The following PIWIL2 variants were observed in gnomAD, a reference collection of about 807,000 sequenced individuals.
The protein encoded by PIWIL2 is piwi-like protein 2.
Under a neutral mutation model 116.5 loss-of-function variants are expected in PIWIL2, and 81 were observed. The observed-to-expected ratio is 0.70, with a 90% CI of 0.58 to 0.84. The LOEUF (loss-of-function observed/expected upper bound fraction) is 0.84, where lower values mean the gene tolerates loss of function less well. Among genes scored for constraint, PIWIL2 ranks in the 40% least tolerant of loss-of-function variants. The pLI is 0.00. For missense variants in PIWIL2, 1,272 were observed against 1,212.3 expected (o/e 1.05, Z -0.73); for synonymous variants, 489 against 429.5 (o/e 1.14, Z -1.71).
chr8:22,278,179 G>T (rs911305001), intron 1 of PIWIL2, among the ~76,000 whole-genome samples: 18 of 151,354 alleles, frequency 1.2e-4, no homozygotes, highest in Admixed American at 3.9e-4. Flanking sequence ...AAAAAAAAAG[G>T]GGGGGAGGAA....
intron 10 of PIWIL2, among the ~76,000 whole-genome samples, chr8:22,294,900 GAAAAAAAAAAAAAAAAAA>G (rs57742067): frequency 3.4e-4 from 32 of 93,650 alleles, no homozygotes; most frequent in Non-Finnish European, 3.2e-4. Flanking sequence ...ATCTTTACTG[GAAAAAAAAAAAAAAAAAA>G]AAAAAAAAAA....
At chr8:22,308,115 CACG>C in intron 14 of PIWIL2, 42 bp downstream of exon 14, 16 of 1,502,722 alleles carry the variant, frequency 1.1e-5, no homozygotes, top group Non-Finnish European at 1.5e-5. Context: ...TGTACAGAGA[CACG>C]TGTGCAATAT....
chr8:22,290,974 A>T (rs1265658863), intron 10 of PIWIL2, among the ~76,000 whole-genome samples: 2 of 147,514 alleles, frequency 1.4e-5, no homozygotes. Flanking sequence ...GTGTATATAT[A>T]TTTTTTTTAA....
At chr8:22,341,152 A>G (rs901743001) in intron 20 of PIWIL2, among the ~76,000 whole-genome samples, 1 of 152,132 alleles carries the variant, frequency 6.6e-6, no homozygotes, top group Non-Finnish European at 1.5e-5. Flanking sequence ...TAGTGAAACA[A>G]CCAAGTGGGT....
At chr8:22,322,018 T>G (rs1397753513) in intron 20 of PIWIL2, 2 of 982,716 alleles carry the variant, frequency 2.0e-6, no homozygotes, top group Admixed American at 1.2e-4. Flanking sequence ...AAATACTGTT[T>G]TGGTTTTTTT....
intron 5 of PIWIL2, 128 bp from the exon 6 acceptor site, chr8:22,284,034 G>A: frequency 1.8e-6 from 1 of 555,780 alleles, no homozygotes; most frequent in Non-Finnish European, 3.1e-6. Flanking sequence ...CTTGATATGT[G>A]TATCTGTAGC....
intron 20 of PIWIL2, among the ~76,000 whole-genome samples, chr8:22,345,306 C>G (rs1286188002): frequency 6.6e-6 from 1 of 152,064 alleles, no homozygotes; most frequent in Non-Finnish European, 1.5e-5. Flanking sequence ...AACACAAGTC[C>G]ACACAAAAAC....
intron 20 of PIWIL2, among the ~76,000 whole-genome samples, chr8:22,319,406 C>T (rs539682462): frequency 2.0e-5 from 3 of 152,260 alleles, no homozygotes; most frequent in South Asian, 2.1e-4. Flanking sequence ...TGTTTTCCTT[C>T]GAAGTTTGAT....
chr8:22,338,961 G>A (rs1832043429), intron 20 of PIWIL2, among the ~76,000 whole-genome samples: 1 of 152,190 alleles, frequency 6.6e-6, no homozygotes, highest in South Asian at 2.1e-4. Context: ...ACAAGACAGT[G>A]TGGTCAGTAG....
intron 2 of PIWIL2, among the ~76,000 whole-genome samples, chr8:22,280,827 G>C (rs1260731328): frequency 6.6e-6 from 1 of 151,744 alleles, no homozygotes; most frequent in African/African-American, 2.4e-5. Flanking sequence ...AATTAACTCT[G>C]TTCTGTTGCA....
intron 10 of PIWIL2, among the ~76,000 whole-genome samples, chr8:22,301,033 G>A (rs759018122): frequency 1.8e-4 from 27 of 151,680 alleles, no homozygotes; most frequent in South Asian, 2.1e-4. Context: ...TGGCTGGAGC[G>A]CAGAGGTGCA....
At chr8:22,288,170 C>T (rs111838422) in intron 7 of PIWIL2, among the ~76,000 whole-genome samples, 2 of 151,964 alleles carry the variant, frequency 1.3e-5, no homozygotes, top group South Asian at 4.2e-4. Flanking sequence ...TGGTGGCAGG[C>T]GCCTGTAGTC....
chr8:22,319,794 A>T (rs1016878177), intron 20 of PIWIL2, among the ~76,000 whole-genome samples: 8 of 152,262 alleles, frequency 5.3e-5, no homozygotes, highest in African/African-American at 1.7e-4. Flanking sequence ...GTCATGCTGC[A>T]TTTTATGCCT....
chr8:22,290,378 G>A (rs1475230780), intron 10 of PIWIL2, 32 bp downstream of exon 10: 1 of 1,269,170 alleles, frequency 7.9e-7, no homozygotes, highest in East Asian at 2.4e-5. Flanking sequence ...TCTTTAACAT[G>A]CTGATGATTT....
chr8:22,315,503 G>A (rs1031046538), intron 18 of PIWIL2, among the ~76,000 whole-genome samples: 2 of 152,068 alleles, frequency 1.3e-5, no homozygotes, highest in African/African-American at 4.8e-5. Flanking sequence ...TTTTAGTACA[G>A]ATGGGATTTC....
intron 20 of PIWIL2, among the ~76,000 whole-genome samples, chr8:22,332,565 A>G (rs942343596): frequency 2.0e-5 from 3 of 151,978 alleles, no homozygotes. Flanking sequence ...GGTAAAGATA[A>G]ATATATATAT....
chr8:22,317,192 A>G (rs138155651), intron 19 of PIWIL2, among the ~76,000 whole-genome samples: 84 of 152,296 alleles, frequency 5.5e-4, no homozygotes, highest in African/African-American at 1.9e-3. Flanking sequence ...TCCCCCAGAA[A>G]TGAGGTTTTT....
At position 22,355,440 on chromosome 8, in the gene PIWIL2, C is replaced by T; in HGVS notation, c.2857C>T (p.Leu953=). 6.2e-7 allele frequency: 1 copy of T among 1,614,172 alleles called. No homozygotes were observed. The highest frequency in any genetic ancestry group is 8.5e-7 in the Non-Finnish European group (1 of 1,179,994). ...PCKYAHKLAF[L]SGHILHHEPA... ...CAAGTATGCCCACAAGCTAGCTTTC[C>T]TGTCAGGACACATCTTGCATCATGA... is the stretch of plus-strand genomic sequence containing the variant. Residue 953 remains leucine (L), a synonymous_variant, in exon 23 of 23, where the codon CTG becomes TTG. Transcript: ENST00000356766.
chr8:22,283,907 G>A (rs1487715443), intron 5 of PIWIL2, among the ~76,000 whole-genome samples: 1 of 152,160 alleles, frequency 6.6e-6, no homozygotes, highest in Non-Finnish European at 1.5e-5. Context: ...CCTAGTTAAT[G>A]GGACTAGTTT....
Sources: gnomAD v4.1 joint callset for allele counts (sites outside exome capture counted in the v4.1 genomes callset) on GRCh38, gnomAD v4.1.1 for gene constraint, MANE v1.5 for transcripts, NCBI Gene and HGNC (gene_info 2026-07-23, HGNC 2026-07-21) for gene names.